The following RBM28 variants were observed in gnomAD, a reference collection of about 807,000 sequenced individuals.
RBM28 encodes the protein RNA binding motif protein 28.
A neutral mutation model predicts 98.3 loss-of-function variants in RBM28; 78 were observed. That is an observed-to-expected ratio of 0.79 (90% CI 0.66 to 0.96). RBM28 has a LOEUF of 0.96. RBM28 is among the 40% of genes least tolerant of loss of function. The pLI is 0.00. For synonymous variants in RBM28, 306 were observed against 330.9 expected, an observed-to-expected ratio of 0.92 and a Z score of 0.82; for missense variants, 838 against 913.0, an observed-to-expected ratio of 0.92 and a Z score of 1.06.
chr7:128,342,099 C>T (rs531573305), intron 1 of RBM28, among the ~76,000 whole-genome samples: 10 of 151,998 alleles, frequency 6.6e-5, no homozygotes, highest in Non-Finnish European at 1.3e-4. Flanking sequence ...TTTAAGGTTA[C>T]ATTGAGCTGT....
Position 128,321,559 on chromosome 7 carries a change from C to T in RBM28, c.1405-135G>A, listed in dbSNP as rs148927633. ...GAAAACGGATGGAAACTGCCCACAC[C>T]GCAGCTTTACAATGCCTAGTATAGG... On this transcript the variant is annotated intron_variant, in intron 13 of 18. Transcript: ENST00000223073. 1.8e-4 allele frequency: 189 copies of T among 1,078,226 alleles called. No individual in the cohort carries two copies. The East Asian group carries it at 3.5e-3, about 20-fold the overall frequency. 66.8% of individuals were successfully genotyped at this position (1,078,226 alleles called of 1,614,324 possible).
chr7:128,335,407 T>C (rs1796574136), intron 8 of RBM28, 136 bp downstream of exon 8: 1 of 1,076,528 alleles, frequency 9.3e-7, no homozygotes, highest in Non-Finnish European at 1.3e-6. Flanking sequence ...GGTTTCCTTT[T>C]CAGCATTTAA....
At chr7:128,315,401 C>T (rs1227632507) in intron 16 of RBM28, among the ~76,000 whole-genome samples, 15 of 152,182 alleles carry the variant, frequency 9.9e-5, no homozygotes, top group Non-Finnish European at 2.1e-4. Flanking sequence ...AAACTAATGA[C>T]AGTCACTAAA....
intron 1 of RBM28, chr7:128,341,008 T>C: frequency 2.1e-6 from 1 of 479,294 alleles, no homozygotes; most frequent in Non-Finnish European, 3.4e-6. Context: ...ACTACAAATA[T>C]CAACTGTAAC....
At chr7:128,340,078 CAG>C (rs919832690) in intron 1 of RBM28, among the ~76,000 whole-genome samples, 7 of 152,044 alleles carry the variant, frequency 4.6e-5, no homozygotes, top group Non-Finnish European at 1.0e-4. Flanking sequence ...CCCAAGAAAA[CAG>C]AGAATCCATG....
intron 10 of RBM28, 47 bp downstream of exon 10, chr7:128,330,772 G>A (rs758192143): frequency 1.5e-6 from 2 of 1,320,096 alleles, no homozygotes; most frequent in Admixed American, 1.7e-5. Context: ...AGTGCCCACG[G>A]CAGTGGTCTC....
Position 128,343,801 on chromosome 7 carries a change from G to A in RBM28, c.-8C>T, listed in dbSNP as rs755085277. The A allele has an allele frequency of 5.0e-6, 8 of 1,584,242 alleles. No individual in the cohort carries two copies. The African/African-American group carries it at 6.8e-5, about 13-fold the overall frequency. On this transcript the variant is annotated 5_prime_UTR_variant, in exon 1 of 19. Coordinates refer to ENST00000223073, the MANE Select transcript of RBM28 (RefSeq NM_018077.3). The stretch of plus-strand genomic sequence containing the variant: ...TAAGGTCAGGCCGGCCATGAGACCG[G>A]GAAACCCAAAGCGCGTGAGGACGCG...
At chr7:128,313,118 T>C (rs150778920) in intron 18 of RBM28, 57 bp downstream of exon 18, 1 of 1,538,514 alleles carries the variant, frequency 6.5e-7, no homozygotes, top group Non-Finnish European at 9.0e-7. Flanking sequence ...GGTACAAACA[T>C]GGCTACGACC....
intron 8 of RBM28, among the ~76,000 whole-genome samples, chr7:128,334,480 C>T (rs987135956): frequency 3.3e-5 from 5 of 152,148 alleles, no homozygotes; most frequent in African/African-American, 1.2e-4. Context: ...ACAGAAAAAG[C>T]TTATTTCCTC....
At chr7:128,334,348 A>G (rs889084658) in intron 8 of RBM28, among the ~76,000 whole-genome samples, 9 of 152,174 alleles carry the variant, frequency 5.9e-5, no homozygotes, top group Non-Finnish European at 4.4e-5. Context: ...TATCTGTCCT[A>G]TAAGTTTTTT....
chr7:128,321,574 C>A, intron 13 of RBM28, 150 bp from the exon 14 acceptor site: 1 of 954,722 alleles, frequency 1.0e-6, no homozygotes, highest in African/African-American at 1.6e-5. Context: ...CTTTACAATG[C>A]CTAGTATAGG....
chr7:128,304,330 C>G lies in RBM28; in HGVS notation c.*6467G>C, dbSNP rs531133634. On this transcript the variant is annotated 3_prime_UTR_variant, in exon 19 of 19. Transcript: ENST00000223073. The stretch of plus-strand genomic sequence containing the variant: ...ACTACAAATAAATGTTTGTTACTAT[C>G]TGATTCAACAAAGCAGTCACTCATT... 4 of 152,180 alleles carry G rather than the reference C, an allele frequency of 2.6e-5. No homozygotes were observed. The highest frequency in any genetic ancestry group is 5.9e-5 in the Non-Finnish European group (4 of 68,038). The allele number at this position is 152,180 out of a possible 1,614,324, so 9.4% of individuals were successfully genotyped here.
chr7:128,313,757 CT>C, intron 17 of RBM28, among the ~76,000 whole-genome samples: 1 of 152,288 alleles, frequency 6.6e-6, no homozygotes. Context: ...GCGCCATCCC[CT>C]CAGTGCTGTT....
At position 128,303,734 on chromosome 7, in the gene RBM28, C is replaced by T. The variant is rs1243014313; in HGVS notation, c.*7063G>A. On this transcript the variant is annotated 3_prime_UTR_variant, in exon 19 of 19. Transcript: ENST00000223073. Reference sequence around the variant, plus strand: ...ACAATGTATTTTCCACGTCAAGATGCCTGAACTTCCCATAACAGCTGTCAC... The same window carrying T: ...ACAATGTATTTTCCACGTCAAGATGTCTGAACTTCCCATAACAGCTGTCAC... The T allele has an allele frequency of 6.6e-6, 1 of 152,188 alleles. No homozygotes were observed. Among genetic ancestry groups the T allele is most frequent in the Non-Finnish European group, 1.5e-5 (1 of 68,040 alleles). 9.4% of individuals were successfully genotyped at this position (152,188 alleles called of 1,614,324 possible).
rs1180460167 is a variant in RBM28, at chr7:128,343,670, C to G, written c.118+6G>C. 1 of 1,602,044 alleles carries G rather than the reference C, an allele frequency of 6.2e-7. No homozygotes were observed. The highest frequency in any genetic ancestry group is 2.3e-5 in the East Asian group (1 of 43,804). The stretch of plus-strand genomic sequence containing the variant: ...CCAGCCCTATCCTCGACCGCCCCGC[C>G]CCTACCTTTTTCAGTCACCACGAAG... On this transcript the variant is annotated splice_donor_region_variant and intron_variant, in intron 1 of 18. Transcript: ENST00000223073.
Position 128,301,014 on chromosome 7 carries a change from T to A in RBM28, c.*9783A>T, listed in dbSNP as rs1449508227. On this transcript the variant is annotated 3_prime_UTR_variant, in exon 19 of 19. Coordinates refer to ENST00000223073, the MANE Select transcript of RBM28 (RefSeq NM_018077.3). ...GCAGAGCCTGGCTCATATCCTGGTA[T>A]CCCTGCAGAGGCTGGAGGTGGGGCC... 6.6e-6 allele frequency: 1 copy of A among 152,398 alleles called. No individual in the cohort carries two copies. The highest frequency in any genetic ancestry group is 6.5e-5 in the Admixed American group (1 of 15,282). 9.4% of individuals were successfully genotyped at this position (152,398 alleles called of 1,614,324 possible). A position where few individuals can be genotyped will look rare whatever the true frequency, so the allele number is the denominator to read the frequency against.
Position 128,321,429 on chromosome 7 carries a change from A to G in RBM28, c.1405-5T>C. The G allele has an allele frequency of 1.9e-6, 3 of 1,614,114 alleles. No homozygotes were observed. The highest frequency in any genetic ancestry group is 2.5e-6 in the Non-Finnish European group (3 of 1,179,978). Reference sequence around the variant, plus strand: ...CTGATGCTTCAGCAGCTCAAACTGAAAGAACAACCAATGGTTAACAGTACA... The same window carrying G: ...CTGATGCTTCAGCAGCTCAAACTGAGAGAACAACCAATGGTTAACAGTACA... On this transcript the variant is annotated splice_region_variant and splice_polypyrimidine_tract_variant and intron_variant, in intron 13 of 18. Transcript: ENST00000223073.
chr7:128,317,530 G>A (rs1261508870), intron 16 of RBM28, 129 bp downstream of exon 16: 1 of 708,324 alleles, frequency 1.4e-6, no homozygotes, highest in Non-Finnish European at 2.5e-6. Flanking sequence ...TTAGGGAACT[G>A]GGAGTAAAGG....
chr7:128,329,689 TC>T (rs1796430910), intron 10 of RBM28, among the ~76,000 whole-genome samples: 2 of 151,954 alleles, frequency 1.3e-5, no homozygotes, highest in Admixed American at 1.3e-4. Flanking sequence ...TTGGAGACCA[TC>T]CTGGCTAACA....
Sources: gnomAD v4.1 joint callset for allele counts (sites outside exome capture counted in the v4.1 genomes callset) on GRCh38, gnomAD v4.1.1 for gene constraint, MANE v1.5 for transcripts, NCBI Gene and HGNC (gene_info 2026-07-23, HGNC 2026-07-21) for gene names.